Variants in CFAP53 observed in about 807,000 individuals in gnomAD.
CFAP53 encodes cilia and flagella associated protein 53.
A neutral mutation model predicts 59.7 loss-of-function variants in CFAP53; 62 were observed. The observed-to-expected ratio is 1.04, with a 90% CI of 0.85 to 1.28. The LOEUF (loss-of-function observed/expected upper bound fraction) is 1.28, where lower values mean the gene tolerates loss of function less well. CFAP53 is among the 50% of genes most tolerant of loss of function. The pLI is 0.00. For missense variants in CFAP53, 629 were observed against 615.6 expected (o/e 1.02, Z -0.23); for synonymous variants, 218 against 205.7 (o/e 1.06, Z -0.51).
In CFAP53 at chr18:50,227,585, G is replaced by A. The variant is rs1365030397; in HGVS notation, c.1341C>T (p.Tyr447=). 6.2e-7 allele frequency: 1 copy of A among 1,614,052 alleles called. No homozygotes were observed. The highest frequency in any genetic ancestry group is 1.1e-5 in the South Asian group (1 of 91,078). Residue 447 remains tyrosine (Y), a synonymous_variant, in exon 8 of 8, where the codon TAC becomes TAT. Coordinates refer to ENST00000398545, the MANE Select transcript of CFAP53 (RefSeq NM_145020.5). The part of the protein sequence containing the change: ...FARRQRLAQE[Y]RKQLQMQIAY... ...CGATTTGCATCTGAAGTTGCTTCCT[G>A]TACTCCTGGGCTAAACGTTGGCGTC...
At position 50,262,063 on chromosome 18, in the gene CFAP53, C is replaced by G. The variant is rs748422778; in HGVS notation, c.226G>C (p.Asp76His). ...WDQHNDCKIL[D>H]SLVRARIKDA... ...TTGATTCTTGCTCGCACAAGGCTGT[C>G]CAAAATCTTGCAGTCATTGTGCTGG... The change falls in exon 2 of 8, where the codon GAC becomes CAC. Residue 76 changes from aspartate to histidine, a missense_variant. Physicochemically the swap from Asp to His is moderately conservative, Grantham distance 81. Coordinates refer to ENST00000398545, the MANE Select transcript of CFAP53 (RefSeq NM_145020.5). 9 of 1,614,072 alleles carry G rather than the reference C, an allele frequency of 5.6e-6. No homozygotes were observed. The highest frequency in any genetic ancestry group is 7.6e-6 in the Non-Finnish European group (9 of 1,180,044).
At chr18:50,259,857 A>G (rs773922960) in intron 3 of CFAP53, among the ~76,000 whole-genome samples, 1 of 152,240 alleles carries the variant, frequency 6.6e-6, no homozygotes, top group Non-Finnish European at 1.5e-5. Context: ...GCCAAATAAC[A>G]GCAATTCTTA....
At chr18:50,261,740 A>T (rs539471731) in intron 2 of CFAP53, among the ~76,000 whole-genome samples, 7 of 152,216 alleles carry the variant, frequency 4.6e-5, no homozygotes, top group Non-Finnish European at 2.9e-5. Flanking sequence ...TACGAAATAT[A>T]TATTTTTAAC....
chr18:50,233,697 C>T (rs2033603903), intron 7 of CFAP53, among the ~76,000 whole-genome samples: 1 of 152,236 alleles, frequency 6.6e-6, no homozygotes, highest in African/African-American at 2.4e-5. Context: ...GAGCCAGGCA[C>T]TTACTCCTCC....
intron 7 of CFAP53, among the ~76,000 whole-genome samples, chr18:50,237,931 C>G (rs1469429447): frequency 6.7e-6 from 1 of 149,614 alleles, no homozygotes; most frequent in Non-Finnish European, 1.5e-5. Flanking sequence ...GCTGATTAGG[C>G]CAGCCTGCTT....
At chr18:50,248,412 T>C (rs1395045706) in intron 5 of CFAP53, among the ~76,000 whole-genome samples, 1 of 152,190 alleles carries the variant, frequency 6.6e-6, no homozygotes, top group Non-Finnish European at 1.5e-5. Flanking sequence ...AAAAACAGTT[T>C]AGCAGTTTCT....
At chr18:50,254,528 C>T (rs543837185) in intron 3 of CFAP53, among the ~76,000 whole-genome samples, 11 of 152,188 alleles carry the variant, frequency 7.2e-5, no homozygotes, top group African/African-American at 1.7e-4. Context: ...TCTCATATAC[C>T]GCTGGTGGGA....
intron 3 of CFAP53, among the ~76,000 whole-genome samples, chr18:50,259,539 T>C (rs2033873120): frequency 6.6e-6 from 1 of 152,042 alleles, no homozygotes; most frequent in African/African-American, 2.4e-5. Flanking sequence ...ACCTACTATT[T>C]GATAGCACAA....
intron 7 of CFAP53, among the ~76,000 whole-genome samples, chr18:50,237,946 G>A (rs75080542): frequency 6.6e-6 from 1 of 152,070 alleles, no homozygotes; most frequent in Non-Finnish European, 1.5e-5. Context: ...CTGCTTTTCA[G>A]GATTTGTTTC....
chr18:50,231,254 T>C (rs2033580778), intron 7 of CFAP53, among the ~76,000 whole-genome samples: 1 of 152,230 alleles, frequency 6.6e-6, no homozygotes, highest in Admixed American at 6.5e-5. Flanking sequence ...TGCCCATTGC[T>C]TTCTTGCACT....
At chr18:50,258,328 A>C (rs1303669168) in intron 3 of CFAP53, among the ~76,000 whole-genome samples, 2 of 152,198 alleles carry the variant, frequency 1.3e-5, no homozygotes, top group Non-Finnish European at 2.9e-5. Context: ...GTTTTTGACA[A>C]AGGAGCCAAG....
intron 3 of CFAP53, among the ~76,000 whole-genome samples, chr18:50,258,441 C>T (rs1253504162): frequency 1.3e-5 from 2 of 152,146 alleles, no homozygotes; most frequent in African/African-American, 4.8e-5. Flanking sequence ...TCATCATATG[C>T]AAAAATCAAA....
At chr18:50,241,967 C>T (rs778684823) in intron 6 of CFAP53, among the ~76,000 whole-genome samples, 3 of 152,124 alleles carry the variant, frequency 2.0e-5, no homozygotes, top group Non-Finnish European at 2.9e-5. Flanking sequence ...TTATCTCAAC[C>T]GCATAAGACA....
At chr18:50,263,607 T>C (rs1029198557) in intron 1 of CFAP53, among the ~76,000 whole-genome samples, 1 of 152,216 alleles carries the variant, frequency 6.6e-6, no homozygotes, top group Non-Finnish European at 1.5e-5. Flanking sequence ...ATTAGATGAC[T>C]GTTCTCCAAT....
intron 3 of CFAP53, among the ~76,000 whole-genome samples, chr18:50,252,094 G>A (rs1371746112): frequency 8.5e-6 from 1 of 117,182 alleles, no homozygotes; most frequent in Non-Finnish European, 1.7e-5. Flanking sequence ...CTAATTTAGG[G>A]TTGCTTACTT....
chr18:50,230,874 T>A (rs2033576933), intron 7 of CFAP53, among the ~76,000 whole-genome samples: 1 of 152,192 alleles, frequency 6.6e-6, no homozygotes, highest in Non-Finnish European at 1.5e-5. Context: ...ATAATGTGGA[T>A]ACCCCTCTAT....
intron 7 of CFAP53, among the ~76,000 whole-genome samples, chr18:50,229,688 C>A (rs773850144): frequency 6.6e-6 from 1 of 151,210 alleles, no homozygotes; most frequent in Non-Finnish European, 1.5e-5. Flanking sequence ...TATAATTTTA[C>A]AATTTATAAG....
At chr18:50,245,120 C>A (rs1279159605) in intron 5 of CFAP53, among the ~76,000 whole-genome samples, 1 of 150,378 alleles carries the variant, frequency 6.6e-6, no homozygotes, top group Non-Finnish European at 1.5e-5. Context: ...CGGTGGCTCA[C>A]GCCTGTAATC....
chr18:50,257,818 C>G (rs1941327860), intron 3 of CFAP53, among the ~76,000 whole-genome samples: 4 of 152,096 alleles, frequency 2.6e-5, no homozygotes, highest in Admixed American at 2.6e-4. Context: ...TCACTTGAGA[C>G]TAGGAGTTCG....
Sources: gnomAD v4.1 joint callset for allele counts (sites outside exome capture counted in the v4.1 genomes callset) on GRCh38, gnomAD v4.1.1 for gene constraint, MANE v1.5 for transcripts, NCBI Gene and HGNC (gene_info 2026-07-23, HGNC 2026-07-21) for gene names.